ZFP64: variants seen among roughly 807,000 people sequenced by gnomAD.
ZFP64 encodes the protein zinc finger protein 64.
A neutral mutation model predicts 51.6 loss-of-function variants in ZFP64; 14 were observed. That is an observed-to-expected ratio of 0.27 (90% CI 0.18 to 0.42). The LOEUF (loss-of-function observed/expected upper bound fraction) is 0.42, where lower values mean the gene tolerates loss of function less well. ZFP64 is among the 10% of genes least tolerant of loss of function. The pLI, the probability that ZFP64 is intolerant of heterozygous loss-of-function variation, is 1.00. For missense variants in ZFP64, 754 were observed against 906.8 expected, an observed-to-expected ratio of 0.83 and a Z score of 2.16; for synonymous variants, 375 against 361.4, an observed-to-expected ratio of 1.04 and a Z score of -0.43.
rs1217742588 is a variant in ZFP64, at chr20:52,166,031, A to C, written c.287-6T>G. 6.3e-7 allele frequency: 1 copy of C among 1,599,646 alleles called. No homozygotes were observed. Among genetic ancestry groups the C allele is most frequent in the African/African-American group, 1.4e-5 (1 of 73,688 alleles). ...AACAAATTCTGGAGCTGAAACTAAA[A>C]GATATGGTGATTATTAATTTTCTTA... is the stretch of plus-strand genomic sequence containing the variant. On this transcript the variant is annotated splice_polypyrimidine_tract_variant and splice_region_variant and intron_variant, in intron 2 of 5. Coordinates refer to ENST00000216923, the MANE Select transcript of ZFP64 (RefSeq NM_018197.3).
intron 5 of ZFP64, among the ~76,000 whole-genome samples, chr20:52,154,583 C>T (rs1228677054): frequency 6.6e-6 from 1 of 152,108 alleles, no homozygotes; most frequent in East Asian, 1.9e-4. Context: ...CCATGAGCTG[C>T]TTAATGAATG....
chr20:52,165,587 T>A (rs961803945), intron 3 of ZFP64: 10 of 612,504 alleles, frequency 1.6e-5, no homozygotes, highest in Non-Finnish European at 2.7e-5. Flanking sequence ...CTTCCTAAGC[T>A]ATAGCATAGG....
At chr20:52,184,137 C>T (rs1053902623) in intron 2 of ZFP64, among the ~76,000 whole-genome samples, 3 of 152,162 alleles carry the variant, frequency 2.0e-5, no homozygotes, top group South Asian at 2.1e-4. Flanking sequence ...TGAGCCACTG[C>T]GCCTGGCCCT....
intron 5 of ZFP64, among the ~76,000 whole-genome samples, chr20:52,135,388 T>C (rs1222885096): frequency 1.3e-5 from 2 of 152,198 alleles, no homozygotes; most frequent in East Asian, 1.9e-4. Context: ...AAACATTTAC[T>C]ATCTGGAGCT....
intron 5 of ZFP64, among the ~76,000 whole-genome samples, chr20:52,104,371 A>T (rs2079086736): frequency 1.3e-5 from 2 of 152,288 alleles, no homozygotes; most frequent in South Asian, 4.1e-4. Context: ...AAGGTAGCCG[A>T]CGATCTCCTT....
intron 2 of ZFP64, among the ~76,000 whole-genome samples, chr20:52,183,590 G>C (rs941835075): frequency 1.3e-5 from 2 of 152,164 alleles, no homozygotes; most frequent in African/African-American, 2.4e-5. Flanking sequence ...CCACTTTTAA[G>C]GGTTTTCTGG....
At chr20:52,121,328 A>G (rs1332465630) in intron 5 of ZFP64, among the ~76,000 whole-genome samples, 3 of 152,242 alleles carry the variant, frequency 2.0e-5, no homozygotes, top group African/African-American at 7.2e-5. Flanking sequence ...AGCCAAGTCA[A>G]GGATGCAAAG....
rs1461440842 is a variant in ZFP64 at position 52,085,024 on chromosome 20, C to G, written c.1471G>C (p.Ala491Pro). Reference sequence around the variant, plus strand: ...TCTGGACACTTCTCCGGGTGGTCGGCCTGGTGCAGCCGGCTGTGCTCCAGG... The same window carrying G: ...TCTGGACACTTCTCCGGGTGGTCGGGCTGGTGCAGCCGGCTGTGCTCCAGG... Residue 491 changes from alanine to proline, a missense_variant, in exon 9 of 9, where the codon GCC (alanine) becomes CCC (proline). Coordinates refer to the ZFP64 transcript ENST00000361387. The surrounding 1 kb of genome is among the most constrained non-coding windows in gnomAD (Gnocchi z 4.3). The G allele has an allele frequency of 1.2e-6, 2 of 1,614,068 alleles. No individual in the cohort carries two copies. The highest frequency in any genetic ancestry group is 1.3e-5 in the African/African-American group (1 of 75,074).
At chr20:52,121,641 G>T (rs1979196072) in intron 5 of ZFP64, among the ~76,000 whole-genome samples, 1 of 117,260 alleles carries the variant, frequency 8.5e-6, no homozygotes, top group Non-Finnish European at 1.9e-5. Flanking sequence ...GCAAGGTGAA[G>T]CAGCAGGTAG....
At chr20:52,084,274 T>G in exon 9 of ZFP64, 12 of 417,332 alleles carry the variant, frequency 2.9e-5, no homozygotes, top group East Asian at 1.6e-4. Context: ...GCTATCCCCA[T>G]TGGATAGAGC....
At chr20:52,187,598 G>T (rs913673951) in intron 1 of ZFP64, among the ~76,000 whole-genome samples, 1 of 151,938 alleles carries the variant, frequency 6.6e-6, no homozygotes, top group Non-Finnish European at 1.5e-5. Flanking sequence ...CTCCAGCCTG[G>T]GGGACAAGAG....
chr20:52,158,734 C>T (rs1021698864), intron 5 of ZFP64, among the ~76,000 whole-genome samples: 1 of 152,050 alleles, frequency 6.6e-6, no homozygotes, highest in African/African-American at 2.4e-5. Context: ...GAAAAAGTCC[C>T]AATTCTTCAC....
intron 2 of ZFP64, among the ~76,000 whole-genome samples, chr20:52,177,787 C>T (rs1032514011): frequency 6.6e-5 from 10 of 152,172 alleles, no homozygotes; most frequent in Admixed American, 2.6e-4. Context: ...AATCCCAACA[C>T]TTTGGGAGGC....
chr20:52,144,505 G>A (rs1254021142), intron 5 of ZFP64, among the ~76,000 whole-genome samples: 1 of 146,866 alleles, frequency 6.8e-6, no homozygotes, highest in African/African-American at 2.5e-5. Flanking sequence ...GCTTGAATTC[G>A]AGAGGTGGAG....
intron 5 of ZFP64, among the ~76,000 whole-genome samples, chr20:52,128,234 T>C (rs1191568775): frequency 2.0e-5 from 3 of 152,120 alleles, no homozygotes; most frequent in African/African-American, 7.2e-5. Flanking sequence ...AGGCCAAGAG[T>C]TTGAGACCAG....
At position 52,185,263 on chromosome 20, in the gene ZFP64, A is replaced by T. The variant is rs75554924; in HGVS notation, c.286+1569T>A. 3.3e-5 allele frequency among the ~76,000 whole-genome samples: 5 copies of T among 152,242 alleles called. No individual in the cohort carries two copies. The East Asian group carries it at 9.7e-4, about 29-fold the overall frequency. On this transcript the variant is annotated intron_variant, in intron 2 of 5. Transcript: ENST00000216923. The stretch of plus-strand genomic sequence containing the variant: ...GGTCATGAACTCCTCACTTCAGGTG[A>T]TCCACCCGCCTCGGCCTCCGAAAGT...
chr20:52,161,953 C>T (rs1046328982), intron 4 of ZFP64, among the ~76,000 whole-genome samples: 14 of 152,074 alleles, frequency 9.2e-5, no homozygotes, highest in South Asian at 2.1e-4. Flanking sequence ...TGATCACTGT[C>T]GTCATAAATA....
intron 5 of ZFP64, among the ~76,000 whole-genome samples, chr20:52,103,648 T>C (rs542882698): frequency 2.6e-5 from 4 of 152,096 alleles, no homozygotes; most frequent in Non-Finnish European, 4.4e-5. Context: ...AGCAATTCTC[T>C]TCTATAAACA....
chr20:52,098,458 G>T, exon 6 of ZFP64: 1 of 1,614,024 alleles, frequency 6.2e-7, no homozygotes, highest in Non-Finnish European at 8.5e-7. Context: ...ACAGTTGAAC[G>T]TCCTCTCTCC....
Sources: gnomAD v4.1 joint callset for allele counts (sites outside exome capture counted in the v4.1 genomes callset) on GRCh38, gnomAD v4.1.1 for gene constraint, Gnocchi (gnomAD v3.1) non-coding constraint, MANE v1.5 for transcripts, NCBI Gene and HGNC (gene_info 2026-07-23, HGNC 2026-07-21) for gene names.